MCF2L: variants seen among roughly 807,000 people sequenced by gnomAD.
MCF2L encodes the protein guanine nucleotide exchange factor DBS.
In MCF2L, 97 loss-of-function variants were observed where a neutral mutation model predicts 153.4. The observed-to-expected ratio is 0.63, with a 90% CI of 0.54 to 0.75. The LOEUF is 0.75. Among genes scored for constraint, MCF2L ranks in the 30% least tolerant of loss-of-function variants. MCF2L has a pLI of 0.00. For synonymous variants in MCF2L, 659 were observed against 632.2 expected (o/e 1.04, Z -0.64); for missense variants, 1,347 against 1,495.2 (o/e 0.90, Z 1.64).
At chr13:112,963,148 C>T (rs535239239) in intron 2 of MCF2L, among the ~76,000 whole-genome samples, 2 of 152,334 alleles carry the variant, frequency 1.3e-5, no homozygotes, top group Admixed American at 1.3e-4. Flanking sequence ...ACAGACGTCC[C>T]CTCTGAAAGG....
chr13:113,084,810 G>A (rs540810398), intron 18 of MCF2L, 82 bp from the exon 19 acceptor site: 41 of 1,037,404 alleles, frequency 4.0e-5, no homozygotes, highest in South Asian at 7.9e-5. Context: ...GTCCCTCACC[G>A]CGTAATGCGG....
intron 1 of MCF2L, among the ~76,000 whole-genome samples, chr13:112,978,608 G>A (rs539650477): frequency 5.3e-5 from 8 of 152,344 alleles, no homozygotes; most frequent in Admixed American, 1.3e-4. Flanking sequence ...CCCTCCATAC[G>A]TTCTGGGAGC....
rs541882537 is a variant in MCF2L, at chr13:112,918,562, G to A, written c.169+16191G>A. Among the ~76,000 whole-genome samples, 7 of 152,270 alleles carry A rather than the reference G, an allele frequency of 4.6e-5. No individual in the cohort carries two copies. In the South Asian group the frequency reaches 6.2e-4, roughly 14 times the overall value. ...CCAGTTTGAAAAACCTAGGCCTGGG[G>A]GGATGCAGCCTGGGGGATGCAGGGG... is the stretch of plus-strand genomic sequence containing the variant. On this transcript the variant is annotated intron_variant, in intron 2 of 29. Coordinates refer to the MCF2L transcript ENST00000375608.
chr13:113,033,307 G>A lies in MCF2L; in HGVS notation c.278+8549G>A, dbSNP rs1181857909. ...CTGTGACATTAGTGGACCCCGTGGCGTGAGTGGCCCCTGTGGCGTGAGTGG... is the reference window on the plus strand; with the variant it reads ...CTGTGACATTAGTGGACCCCGTGGCATGAGTGGCCCCTGTGGCGTGAGTGG... On this transcript the variant is annotated intron_variant, in intron 3 of 29. Coordinates refer to ENST00000535094, the MANE Select transcript of MCF2L (RefSeq NM_001112732.3). 1.8e-4 allele frequency among the ~76,000 whole-genome samples: 15 copies of A among 82,522 alleles called. 1 individual carries two copies. The highest frequency in any genetic ancestry group is 4.2e-4 in the African/African-American group (9 of 21,324). The allele number at this position is 82,522 out of a possible 152,430, so 54.1% of individuals were successfully genotyped here. A position where few individuals can be genotyped will look rare whatever the true frequency, so the allele number is the denominator to read the frequency against.
intron 4 of MCF2L, among the ~76,000 whole-genome samples, chr13:113,050,443 G>A (rs562378019): frequency 4.4e-4 from 67 of 151,700 alleles, no homozygotes; most frequent in African/African-American, 1.6e-3. Flanking sequence ...TTTTTAGACT[G>A]CATGGGGCCA....
chr13:113,041,676 T>C (rs1566785970), intron 3 of MCF2L, among the ~76,000 whole-genome samples: 1 of 152,192 alleles, frequency 6.6e-6, no homozygotes, highest in Non-Finnish European at 1.5e-5. Flanking sequence ...GCTTTGCACC[T>C]TCTGAGTCAG....
intron 1 of MCF2L, among the ~76,000 whole-genome samples, chr13:112,896,157 C>A (rs1044958578): frequency 6.6e-6 from 1 of 152,212 alleles, no homozygotes; most frequent in Non-Finnish European, 1.5e-5. Context: ...CAGCCAGGTG[C>A]AGAGGGGAAG....
chr13:112,897,822 A>G (rs930088685), intron 1 of MCF2L, among the ~76,000 whole-genome samples: 3 of 152,160 alleles, frequency 2.0e-5, no homozygotes, highest in Non-Finnish European at 4.4e-5. Context: ...TGGCAGGTGG[A>G]GCCGTGGTGA....
At chr13:112,972,354 A>AGTGG (rs1566672894) in intron 1 of MCF2L, among the ~76,000 whole-genome samples, 2 of 64,240 alleles carry the variant, frequency 3.1e-5, no homozygotes, top group South Asian at 6.1e-4. Flanking sequence ...TGGATGTGTA[A>AGTGG]GTGGGTGGAT....
At chr13:113,030,490 G>A (rs1388941015) in intron 3 of MCF2L, among the ~76,000 whole-genome samples, 13 of 143,762 alleles carry the variant, frequency 9.0e-5, no homozygotes, top group East Asian at 2.0e-4. Flanking sequence ...GTCCGCCGAC[G>A]CCCGGTGTGG....
In MCF2L at chr13:113,070,112, AG is replaced by A; in HGVS notation, c.936del (p.Lys312AsnfsTer33). The A allele has an allele frequency of 1.2e-6, 2 of 1,609,056 alleles. No homozygotes were observed. Among genetic ancestry groups the A allele is most frequent in the Non-Finnish European group, 1.7e-6 (2 of 1,178,318 alleles). On this transcript the variant is annotated frameshift_variant, in exon 9 of 30. Transcript: ENST00000535094. LOFTEE classifies it high-confidence loss of function. The surrounding 1 kb of genome is among the most constrained non-coding windows in gnomAD (Gnocchi z 5.6). ...TEAAFDEFWA[K>X]HQQKLEQCLQ... ...GCTGCCTTCGATGAGTTCTGGGCAAAGCATCAGCAGAAACTGGAGCAGTGTC... is the reference window on the plus strand; with the variant it reads ...GCTGCCTTCGATGAGTTCTGGGCAAACATCAGCAGAAACTGGAGCAGTGTC...
At chr13:113,019,131 A>G (rs2084718776) in intron 2 of MCF2L, among the ~76,000 whole-genome samples, 1 of 151,592 alleles carries the variant, frequency 6.6e-6, no homozygotes, top group African/African-American at 2.4e-5. Context: ...CCCTTCTCCC[A>G]CCCCATTTCG....
At chr13:113,081,393 G>A (rs944161724) in intron 16 of MCF2L, 114 bp downstream of exon 16, 9 of 1,056,914 alleles carry the variant, frequency 8.5e-6, no homozygotes, top group East Asian at 2.6e-5. Context: ...AAATGCATGT[G>A]AGAGAGCGCC....
chr13:112,916,055 A>T (rs2081288525), intron 2 of MCF2L, among the ~76,000 whole-genome samples: 1 of 151,724 alleles, frequency 6.6e-6, no homozygotes, highest in African/African-American at 2.4e-5. Context: ...AAAAAAAAAA[A>T]AAATTAGCCG....
At chr13:112,918,557 C>CT (rs1200965491) in intron 2 of MCF2L, among the ~76,000 whole-genome samples, 1 of 152,024 alleles carries the variant, frequency 6.6e-6, no homozygotes, top group Non-Finnish European at 1.5e-5. Flanking sequence ...AAACCTAGGC[C>CT]TGGGGGGATG....
chr13:112,988,803 C>T (rs1266037137), intron 1 of MCF2L, among the ~76,000 whole-genome samples: 2 of 73,508 alleles, frequency 2.7e-5, no homozygotes, highest in African/African-American at 4.9e-5. Flanking sequence ...AGGGGATGGG[C>T]TACGACACTG....
intron 1 of MCF2L, among the ~76,000 whole-genome samples, chr13:112,981,272 C>T (rs1355867443): frequency 1.3e-5 from 2 of 152,188 alleles, no homozygotes; most frequent in African/African-American, 4.8e-5. Flanking sequence ...CCATGGGGTA[C>T]CACCCTGTTC....
chr13:112,977,930 C>T (rs956209697), intron 1 of MCF2L, among the ~76,000 whole-genome samples: 10 of 152,252 alleles, frequency 6.6e-5, no homozygotes, highest in African/African-American at 1.9e-4. Context: ...AAAAATTAGC[C>T]GGGTGTGGTG....
At chr13:112,942,007 G>C (rs1370316793) in intron 2 of MCF2L, among the ~76,000 whole-genome samples, 1 of 152,176 alleles carries the variant, frequency 6.6e-6, no homozygotes, top group South Asian at 2.1e-4. Context: ...ATGGTCTAGC[G>C]GTAGCGTCAG....
Sources: gnomAD v4.1 joint callset for allele counts (sites outside exome capture counted in the v4.1 genomes callset) on GRCh38, gnomAD v4.1.1 for gene constraint, Gnocchi (gnomAD v3.1) non-coding constraint, MANE v1.5 for transcripts, NCBI Gene and HGNC (gene_info 2026-07-23, HGNC 2026-07-21) for gene names.